The following SHB variants were observed in gnomAD, a reference collection of about 807,000 sequenced individuals.
SHB encodes the protein SH2 domain-containing adapter protein B.
Under a neutral mutation model 52.3 loss-of-function variants are expected in SHB, and 20 were observed. That is an observed-to-expected ratio of 0.38 (90% CI 0.27 to 0.56). The LOEUF (loss-of-function observed/expected upper bound fraction) is 0.56. Ranked by LOEUF, SHB falls within the 20% of genes least tolerant of loss-of-function variation. The pLI is 0.71. For synonymous variants in SHB, 397 were observed against 316.5 expected (o/e 1.25, Z -2.70); for missense variants, 825 against 723.3 (o/e 1.14, Z -1.61).
intron 3 of SHB, among the ~76,000 whole-genome samples, chr9:37,971,707 T>TGCAC (rs1820592078): frequency 6.6e-6 from 1 of 152,196 alleles, no homozygotes; most frequent in South Asian, 2.1e-4. Flanking sequence ...AGACTGACCG[T>TGCAC]GACACCTGTG....
At chr9:37,974,502 A>T (rs950562834) in intron 3 of SHB, 120 bp downstream of exon 3, 4 of 825,826 alleles carry the variant, frequency 4.8e-6, no homozygotes, top group Admixed American at 5.3e-5. Context: ...ACTGAGAAAA[A>T]AGACCACCCA....
chr9:38,068,009 T>C lies in SHB; in HGVS notation c.637A>G (p.Thr213Ala), dbSNP rs1010248901. 47 of 1,525,418 alleles carry C rather than the reference T, an allele frequency of 3.1e-5. No individual in the cohort carries two copies. In the East Asian group the frequency reaches 8.3e-4, roughly 27 times the overall value. The allele number at this position is 1,525,418 out of a possible 1,614,324, so 94.5% of individuals were successfully genotyped here. The stretch of plus-strand genomic sequence containing the variant: ...AGCAGTTTCTTGCCTCCGCAGGCCG[T>C]CGGGCTCCAGGTGCGGCCGCCCGCG... ...ACAGGRTWSPTACGGKKLLNK... is the reference protein window; with the variant it reads ...ACAGGRTWSPAACGGKKLLNK... Residue 213 changes from threonine (T) to alanine (A), a missense_variant, in exon 1 of 6, where the codon ACG becomes GCG. Transcript: ENST00000377707.
At chr9:37,999,388 C>G (rs1166526702) in intron 2 of SHB, among the ~76,000 whole-genome samples, 3 of 152,144 alleles carry the variant, frequency 2.0e-5, no homozygotes, top group African/African-American at 7.2e-5. Flanking sequence ...ACCAGGAGCT[C>G]AAATGGCTGC....
intron 1 of SHB, among the ~76,000 whole-genome samples, chr9:38,053,194 A>G (rs1821773709): frequency 1.3e-5 from 2 of 152,156 alleles, no homozygotes; most frequent in Non-Finnish European, 2.9e-5. Context: ...GTCATCTACG[A>G]TAAGATACAA....
At chr9:38,015,130 C>T (rs922802105) in intron 2 of SHB, among the ~76,000 whole-genome samples, 5 of 152,222 alleles carry the variant, frequency 3.3e-5, no homozygotes, top group Non-Finnish European at 7.3e-5. Flanking sequence ...GCACAATGTG[C>T]TGATGTGCCC....
intron 1 of SHB, among the ~76,000 whole-genome samples, chr9:38,059,248 C>T (rs1221221076): frequency 1.3e-5 from 2 of 149,764 alleles, no homozygotes; most frequent in Non-Finnish European, 3.0e-5. Context: ...CACCCACCCA[C>T]CCACCTGTCG....
chr9:38,005,395 G>C (rs1384881407), intron 2 of SHB, among the ~76,000 whole-genome samples: 1 of 152,214 alleles, frequency 6.6e-6, no homozygotes, highest in Non-Finnish European at 1.5e-5. Flanking sequence ...CAAGCTGGCT[G>C]AAAGGGAGAA....
At chr9:37,953,481 G>A (rs566686910) in intron 4 of SHB, among the ~76,000 whole-genome samples, 91 of 152,064 alleles carry the variant, frequency 6.0e-4, no homozygotes, top group Non-Finnish European at 1.0e-3. Flanking sequence ...TATACTGATG[G>A]TAATGATGGA....
At chr9:37,956,804 C>A (rs1461327629) in intron 3 of SHB, among the ~76,000 whole-genome samples, 1 of 152,196 alleles carries the variant, frequency 6.6e-6, no homozygotes, top group Non-Finnish European at 1.5e-5. Context: ...AGTTATCCAG[C>A]TGGGCCTGTT....
At chr9:37,926,781 T>C (rs1832255643) in intron 5 of SHB, among the ~76,000 whole-genome samples, 1 of 152,242 alleles carries the variant, frequency 6.6e-6, no homozygotes, top group Non-Finnish European at 1.5e-5. Flanking sequence ...TGGAGAGCTG[T>C]AGCCTGGACC....
At chr9:37,931,423 CA>C (rs963807956) in intron 5 of SHB, among the ~76,000 whole-genome samples, 5 of 152,064 alleles carry the variant, frequency 3.3e-5, no homozygotes, top group African/African-American at 1.2e-4. Context: ...ATAAAATGGG[CA>C]AAAGACCTGA....
chr9:37,918,603 G>A lies in SHB; in HGVS notation c.*1218C>T, dbSNP rs1389681179. Among the ~76,000 whole-genome samples, 1 of 152,232 alleles carries A rather than the reference G, an allele frequency of 6.6e-6. No individual in the cohort carries two copies. Among genetic ancestry groups the A allele is most frequent in the Non-Finnish European group, 1.5e-5 (1 of 68,042 alleles). ...ATTCTCCCTCCTCCATGGGCAGGGTGACAGCAAGGCCATGCAGAACCAACG... is the reference window on the plus strand; with the variant it reads ...ATTCTCCCTCCTCCATGGGCAGGGTAACAGCAAGGCCATGCAGAACCAACG... On this transcript the variant is annotated 3_prime_UTR_variant, in exon 6 of 6. Coordinates refer to ENST00000377707, the MANE Select transcript of SHB (RefSeq NM_003028.3).
Position 38,033,366 on chromosome 9 carries a change from T to C in SHB, c.718-17235A>G, listed in dbSNP as rs947038945. On this transcript the variant is annotated intron_variant, in intron 1 of 5. Coordinates refer to ENST00000377707, the MANE Select transcript of SHB (RefSeq NM_003028.3). ...CCAGCCAATTCGGGGAGGGGGCCCT[T>C]CCAACCCACAGATCCCAGAAAAATG... Among the ~76,000 whole-genome samples the C allele has an allele frequency of 2.6e-5, 4 of 152,114 alleles. No individual in the cohort carries two copies. In the East Asian group the frequency reaches 5.8e-4, roughly 22 times the overall value.
At position 37,919,404 on chromosome 9, in the gene SHB, G is replaced by A; in HGVS notation, c.*417C>T. ...CATTTGGCTCCCAGCATCAGTAGGG[G>A]GGCTCCTGTGGGAAAACTTTGCCCT... On this transcript the variant is annotated 3_prime_UTR_variant, in exon 6 of 6. Coordinates refer to ENST00000377707, the MANE Select transcript of SHB (RefSeq NM_003028.3). 6.2e-6 allele frequency: 1 copy of A among 162,522 alleles called. No individual in the cohort carries two copies. Among genetic ancestry groups the A allele is most frequent in the Admixed American group, 6.0e-5 (1 of 16,700 alleles). 10.1% of individuals were successfully genotyped at this position (162,522 alleles called of 1,614,324 possible).
chr9:37,956,103 A>G (rs370136213), intron 3 of SHB, 49 bp from the exon 4 acceptor site: 1 of 1,520,928 alleles, frequency 6.6e-7, no homozygotes, highest in African/African-American at 1.4e-5. Flanking sequence ...CAGCCCAGGG[A>G]GCTACTGTGA....
chr9:37,973,502 C>T (rs1490465550), intron 3 of SHB, among the ~76,000 whole-genome samples: 1 of 152,200 alleles, frequency 6.6e-6, no homozygotes, highest in Admixed American at 6.5e-5. Context: ...GGACTACAGG[C>T]GTGAGCCACC....
At chr9:38,058,840 G>A (rs1229912730) in intron 1 of SHB, among the ~76,000 whole-genome samples, 1 of 152,154 alleles carries the variant, frequency 6.6e-6, no homozygotes, top group African/African-American at 2.4e-5. Context: ...TCCTTGGAGA[G>A]CGGGGTGGTT....
In SHB at chr9:38,038,119, G is replaced by A. The variant is rs1404284103; in HGVS notation, c.718-21988C>T. Among the ~76,000 whole-genome samples, 7 of 152,090 alleles carry A rather than the reference G, an allele frequency of 4.6e-5. No individual in the cohort carries two copies. In the East Asian group the frequency reaches 7.7e-4, roughly 17 times the overall value. Reference sequence around the variant, plus strand: ...CTTTATAGCTTGGGTCTGGCTGTCCGGCTCTGCCCTCCCCATCCTACGCCC... The same window carrying A: ...CTTTATAGCTTGGGTCTGGCTGTCCAGCTCTGCCCTCCCCATCCTACGCCC... On this transcript the variant is annotated intron_variant, in intron 1 of 5. Coordinates refer to ENST00000377707, the MANE Select transcript of SHB (RefSeq NM_003028.3).
Position 37,918,832 on chromosome 9 carries a change from G to C in SHB, c.*989C>G, listed in dbSNP as rs561546199. Among the ~76,000 whole-genome samples the C allele has an allele frequency of 6.6e-6, 1 of 152,106 alleles. No individual in the cohort carries two copies. The highest frequency in any genetic ancestry group is 2.1e-4 in the South Asian group (1 of 4,832). On this transcript the variant is annotated 3_prime_UTR_variant, in exon 6 of 6. Transcript: ENST00000377707. ...TGTCAACACAGACGTCCCACTGCAG[G>C]AGGGAAAGACTGGTTTTTTGGTCAA...
Sources: gnomAD v4.1 joint callset for allele counts (sites outside exome capture counted in the v4.1 genomes callset) on GRCh38, gnomAD v4.1.1 for gene constraint, MANE v1.5 for transcripts, NCBI Gene and HGNC (gene_info 2026-07-23, HGNC 2026-07-21) for gene names.